AXIN1: variants seen among roughly 807,000 people sequenced by gnomAD.
The protein encoded by AXIN1 is axin 1.
AXIN1 carries 30 observed loss-of-function variants against 76.4 expected under a neutral mutation model. That is an observed-to-expected ratio of 0.39 (90% confidence interval 0.29 to 0.53). The LOEUF (loss-of-function observed/expected upper bound fraction) is 0.53. Among genes scored for constraint, AXIN1 ranks in the 20% least tolerant of loss-of-function variants. AXIN1 has a pLI of 0.66. For synonymous variants in AXIN1, 545 were observed against 501.4 expected (o/e 1.09, Z -1.16); for missense variants, 1,140 against 1,198.8 (o/e 0.95, Z 0.72).
rs553788552 is a variant in AXIN1 at position 302,570 on chromosome 16, C to T, written c.1254+1734G>A. The stretch of plus-strand genomic sequence containing the variant: ...CCTGCCATCTCAATGGAGTGCCCGG[C>T]GCACGGTTTCCCAGATGGGCACCAC... On this transcript the variant is annotated intron_variant, in intron 5 of 10. Transcript: ENST00000262320. Among the ~76,000 whole-genome samples, 34 of 152,286 alleles carry T rather than the reference C, an allele frequency of 2.2e-4. No homozygotes were observed. The South Asian group carries it at 3.3e-3, about 15-fold the overall frequency.
In AXIN1 at chr16:293,667, G is replaced by C. The variant is rs2141486845; in HGVS notation, c.2007C>G (p.Ser669=). The change falls in exon 8 of 11, where the codon TCC becomes TCG. Residue 669 remains serine (S), a synonymous_variant. Transcript: ENST00000262320. The surrounding 1 kb of genome is among the most constrained non-coding windows in gnomAD (Gnocchi z 4.6). ...PQPHENSRPL[S]LEHPWAGPQL... ...GAGGGCCGGCCCAGGGGTGCTCAAG[G>C]GACAAGGGTCTGGAGTTCTCATGGG... 1 of 1,613,760 alleles carries C rather than the reference G, an allele frequency of 6.2e-7. No homozygotes were observed.
intron 2 of AXIN1, among the ~76,000 whole-genome samples, chr16:330,677 G>A (rs1446502841): frequency 6.6e-6 from 1 of 152,174 alleles, no homozygotes; most frequent in Non-Finnish European, 1.5e-5. Flanking sequence ...ACAAGGATCT[G>A]ATGAGAAACA....
intron 2 of AXIN1, among the ~76,000 whole-genome samples, chr16:322,895 G>A (rs564845694): frequency 3.0e-4 from 45 of 152,350 alleles, no homozygotes; most frequent in Non-Finnish European, 5.3e-4. Context: ...CTGCAGCTGC[G>A]TCCCAGCTCT....
chr16:332,394 A>G (rs539640578), intron 2 of AXIN1, among the ~76,000 whole-genome samples: 54 of 152,076 alleles, frequency 3.6e-4, no homozygotes, highest in East Asian at 1.9e-3. Flanking sequence ...TGGCTAACAC[A>G]GTGAAACCCC....
At chr16:315,831 A>C (rs975748091) in intron 2 of AXIN1, among the ~76,000 whole-genome samples, 1 of 147,506 alleles carries the variant, frequency 6.8e-6, no homozygotes, top group Non-Finnish European at 1.5e-5. Flanking sequence ...CTGTCTCAAA[A>C]GAAAAAAAAA....
chr16:308,003 A>C (rs2053073477), intron 4 of AXIN1, among the ~76,000 whole-genome samples: 1 of 152,210 alleles, frequency 6.6e-6, no homozygotes, highest in African/African-American at 2.4e-5. Flanking sequence ...CTGACAGGCC[A>C]CATGGACCTG....
In AXIN1 at chr16:298,223, G is replaced by A. The variant is rs755028316; in HGVS notation, c.1283C>T (p.Ser428Leu). 1.2e-5 allele frequency: 18 copies of A among 1,540,150 alleles called. No homozygotes were observed. In the African/African-American group the frequency reaches 1.4e-4, roughly 12 times the overall value. ...MEEEGEDGDPSSGPPGPCHKL... is the reference protein window; with the variant it reads ...MEEEGEDGDPLSGPPGPCHKL... ...GTGACACGGCCCTGGGGGCCCTGACGATGGATCGCCGTCCTCACCTTCCTC... is the reference window on the plus strand; with the variant it reads ...GTGACACGGCCCTGGGGGCCCTGACAATGGATCGCCGTCCTCACCTTCCTC... Residue 428 changes from serine (S) to leucine (L), a missense_variant, in exon 6 of 11, where the codon TCG becomes TTG. By Grantham distance (145) the Ser-to-Leu change is moderately radical. This residue lies in a region of AXIN1 where 708 missense variants were observed against 776.9 expected (regional missense o/e 0.91). Transcript: ENST00000262320.
rs1468414571 is a variant in AXIN1, at chr16:346,242, C to G, written c.784G>C (p.Ala262Pro). The part of the protein sequence containing the change: ...DMDEDDGRDA[A>P]PPGRLPQKLL... ...TTCTGAGGGAGTCTTCCGGGGGGAGCAGCGTCTCTGCCATCGTCCTCATCC... is the reference window on the plus strand; with the variant it reads ...TTCTGAGGGAGTCTTCCGGGGGGAGGAGCGTCTCTGCCATCGTCCTCATCC... The change falls in exon 2 of 11, where the codon GCT becomes CCT. Residue 262 changes from alanine (A) to proline (P), a missense_variant. By Grantham distance (27) the Ala-to-Pro change is conservative. Coordinates refer to ENST00000262320, the MANE Select transcript of AXIN1 (RefSeq NM_003502.4). 6.2e-7 allele frequency: 1 copy of G among 1,614,176 alleles called. No homozygotes were observed. The highest frequency in any genetic ancestry group is 1.7e-5 in the Admixed American group (1 of 60,028).
chr16:298,611 G>A (rs902397066), intron 5 of AXIN1, among the ~76,000 whole-genome samples: 7 of 152,148 alleles, frequency 4.6e-5, no homozygotes, highest in South Asian at 2.1e-4. Context: ...AGGCTCAAGC[G>A]ATCCTCCCAC....
At chr16:345,522 C>G (rs1028959390) in intron 2 of AXIN1, among the ~76,000 whole-genome samples, 1 of 152,222 alleles carries the variant, frequency 6.6e-6, no homozygotes, top group Non-Finnish European at 1.5e-5. Context: ...CGAGACCAGC[C>G]TGGCCAACAT....
intron 3 of AXIN1, among the ~76,000 whole-genome samples, chr16:311,500 A>G (rs182861736): frequency 9.9e-5 from 15 of 151,742 alleles, no homozygotes; most frequent in South Asian, 4.2e-4. Flanking sequence ...GGCTGGGCGC[A>G]GTGGCTCATG....
At chr16:312,707 C>G (rs1018491097) in intron 3 of AXIN1, among the ~76,000 whole-genome samples, 2 of 152,240 alleles carry the variant, frequency 1.3e-5, no homozygotes, top group Admixed American at 6.5e-5. Context: ...AAGCCACACA[C>G]AGCAGCTCTG....
chr16:331,788 A>G (rs916261609), intron 2 of AXIN1, among the ~76,000 whole-genome samples: 35 of 152,346 alleles, frequency 2.3e-4, no homozygotes, highest in Middle Eastern at 3.4e-3. Context: ...TTTCCAAGCA[A>G]AGGTGCAAGC....
intron 2 of AXIN1, among the ~76,000 whole-genome samples, chr16:332,168 G>A (rs1421063451): frequency 2.6e-5 from 4 of 152,172 alleles, no homozygotes; most frequent in Non-Finnish European, 5.9e-5. Context: ...TCCTGCAGAT[G>A]GTGGTGGACC....
intron 2 of AXIN1, among the ~76,000 whole-genome samples, chr16:318,714 A>C (rs1400640087): frequency 6.6e-6 from 1 of 152,146 alleles, no homozygotes; most frequent in Non-Finnish European, 1.5e-5. Context: ...ATGCCCACGT[A>C]TCCATCTGTG....
At chr16:344,581 C>A (rs1441427987) in intron 2 of AXIN1, among the ~76,000 whole-genome samples, 1 of 151,692 alleles carries the variant, frequency 6.6e-6, no homozygotes, top group African/African-American at 2.4e-5. Context: ...CTCTGCCTCC[C>A]AGGTTCAAGC....
At chr16:338,526 C>T (rs1244458113) in intron 2 of AXIN1, among the ~76,000 whole-genome samples, 2 of 152,262 alleles carry the variant, frequency 1.3e-5, no homozygotes, top group African/African-American at 2.4e-5. Context: ...ACTACAGATA[C>T]TTTCGTGGAC....
chr16:330,514 T>C (rs1051739109), intron 2 of AXIN1, among the ~76,000 whole-genome samples: 4 of 152,224 alleles, frequency 2.6e-5, no homozygotes, highest in African/African-American at 9.6e-5. Flanking sequence ...GCACAATCAG[T>C]TATGAAACTG....
intron 2 of AXIN1, among the ~76,000 whole-genome samples, chr16:321,692 A>G (rs1452792975): frequency 1.3e-5 from 2 of 152,024 alleles, no homozygotes; most frequent in Non-Finnish European, 2.9e-5. Flanking sequence ...TGGGAATATG[A>G]GGTAGAAGGC....
Sources: allele counts gnomAD v4.1 joint callset (sites outside exome capture counted in the v4.1 genomes callset), GRCh38; gene constraint gnomAD v4.1.1; regional missense constraint gnomAD v4.1.1; non-coding constraint Gnocchi (gnomAD v3.1); transcripts MANE v1.5; gene names NCBI Gene and HGNC (gene_info 2026-07-23, HGNC 2026-07-21).